PBX4: variants seen among roughly 807,000 people sequenced by gnomAD.
PBX4 encodes PBX homeobox 4.
PBX4 carries 26 observed loss-of-function variants against 35.1 expected under a neutral mutation model. The ratio of observed to expected loss-of-function variants is 0.74; its 90% CI spans 0.54 to 1.03. PBX4 has a LOEUF of 1.03. Ranked by LOEUF, PBX4 falls within the 50% of genes least tolerant of loss-of-function variation. PBX4 has a pLI of 0.00. For missense variants in PBX4, 448 were observed against 504.3 expected (o/e 0.89, Z 1.07); for synonymous variants, 199 against 204.2 (o/e 0.97, Z 0.22).
intron 2 of PBX4, among the ~76,000 whole-genome samples, chr19:19,598,383 C>T (rs1268291025): frequency 8.0e-5 from 12 of 150,870 alleles, no homozygotes; most frequent in African/African-American, 1.2e-4. Flanking sequence ...CTGCAACCTC[C>T]ACCTCCTGGG....
chr19:19,615,841 GA>G (rs776125584), intron 1 of PBX4, among the ~76,000 whole-genome samples: 39 of 152,290 alleles, frequency 2.6e-4, no homozygotes, highest in Non-Finnish European at 4.9e-4. Flanking sequence ...AGTGAGCCGA[GA>G]TAGCGCCACT....
intron 2 of PBX4, among the ~76,000 whole-genome samples, chr19:19,582,446 G>A (rs539423481): frequency 6.6e-6 from 1 of 152,252 alleles, no homozygotes; most frequent in East Asian, 1.9e-4. Context: ...ACACTGGCGG[G>A]CCATTGATGG....
chr19:19,602,419 G>A (rs1041793434), intron 1 of PBX4, among the ~76,000 whole-genome samples: 2 of 151,962 alleles, frequency 1.3e-5, no homozygotes, highest in Non-Finnish European at 2.9e-5. Flanking sequence ...AAACATAACA[G>A]GTGCTAAAAG....
At chr19:19,609,604 A>C (rs1222684955) in intron 1 of PBX4, among the ~76,000 whole-genome samples, 2 of 151,060 alleles carry the variant, frequency 1.3e-5, no homozygotes, top group Non-Finnish European at 1.5e-5. Context: ...TAATCCCAGC[A>C]CTTTGGCAGG....
intron 1 of PBX4, among the ~76,000 whole-genome samples, chr19:19,616,165 C>A (rs764366066): frequency 1.5e-4 from 23 of 152,104 alleles, no homozygotes; most frequent in Non-Finnish European, 2.9e-4. Flanking sequence ...GACCCAGACA[C>A]AGTGGGCTGC....
intron 4 of PBX4, 88 bp from the exon 5 acceptor site, chr19:19,569,672 G>C: frequency 6.8e-7 from 1 of 1,480,774 alleles, no homozygotes; most frequent in Non-Finnish European, 9.0e-7. Flanking sequence ...TTTTCCAGTA[G>C]TTCTGAAAAC....
intron 1 of PBX4, among the ~76,000 whole-genome samples, chr19:19,606,013 A>C (rs1000995770): frequency 1.4e-4 from 21 of 152,202 alleles, no homozygotes; most frequent in African/African-American, 4.8e-4. Context: ...AGCAGTGATC[A>C]AGCAGCTGCT....
intron 1 of PBX4, among the ~76,000 whole-genome samples, chr19:19,614,291 C>T (rs1407313660): frequency 6.6e-6 from 1 of 152,088 alleles, no homozygotes; most frequent in East Asian, 1.9e-4. Flanking sequence ...GAGATCATAC[C>T]ACAGCACTCC....
intron 2 of PBX4, among the ~76,000 whole-genome samples, chr19:19,589,210 C>T (rs532517770): frequency 2.3e-4 from 35 of 151,894 alleles, no homozygotes; most frequent in Non-Finnish European, 4.1e-4. Context: ...CGGCGGATCA[C>T]GAGGTCAGGA....
chr19:19,570,075 GC>G (rs2061371223), intron 4 of PBX4, 33 bp downstream of exon 4: 9 of 1,542,654 alleles, frequency 5.8e-6, no homozygotes, highest in Non-Finnish European at 7.9e-6. Flanking sequence ...CTCAGAGCCG[GC>G]CCTTGAGGTT....
intron 2 of PBX4, among the ~76,000 whole-genome samples, chr19:19,583,467 G>A (rs765525637): frequency 4.6e-5 from 7 of 151,642 alleles, no homozygotes; most frequent in Non-Finnish European, 5.9e-5. Context: ...TAAAAAATGA[G>A]TCAGGTTTGG....
intron 5 of PBX4, among the ~76,000 whole-genome samples, chr19:19,567,649 C>T (rs1568378020): frequency 6.6e-6 from 1 of 152,164 alleles, no homozygotes; most frequent in African/African-American, 2.4e-5. Context: ...CCATAGGCTG[C>T]CTGGACTTAC....
chr19:19,572,803 G>A (rs1025851844), intron 2 of PBX4, among the ~76,000 whole-genome samples: 3 of 141,040 alleles, frequency 2.1e-5, no homozygotes, highest in African/African-American at 5.3e-5. Context: ...GCAGTGAGCC[G>A]AGATCACGCC....
At chr19:19,573,017 T>C (rs916743118) in intron 2 of PBX4, among the ~76,000 whole-genome samples, 1 of 148,004 alleles carries the variant, frequency 6.8e-6, no homozygotes, top group African/African-American at 2.5e-5. Context: ...TAATACAGGA[T>C]AGTGTTGGCC....
intron 2 of PBX4, among the ~76,000 whole-genome samples, chr19:19,573,431 G>C (rs1211600243): frequency 6.7e-6 from 1 of 148,868 alleles, no homozygotes; most frequent in African/African-American, 2.5e-5. Context: ...ATTGGAAAAA[G>C]CAATATGAGA....
intron 2 of PBX4, among the ~76,000 whole-genome samples, chr19:19,595,854 A>G (rs1295881955): frequency 6.6e-6 from 1 of 152,204 alleles, no homozygotes; most frequent in Non-Finnish European, 1.5e-5. Flanking sequence ...GGACAACAGG[A>G]GCAGGCTCTC....
intron 1 of PBX4, among the ~76,000 whole-genome samples, chr19:19,602,698 G>A (rs570500215): frequency 6.6e-6 from 1 of 152,106 alleles, no homozygotes; most frequent in Admixed American, 6.6e-5. Context: ...GCCCCTCAAA[G>A]TATTGGGATT....
At chr19:19,569,632 T>C in intron 4 of PBX4, 48 bp from the exon 5 acceptor site, 1 of 1,594,466 alleles carries the variant, frequency 6.3e-7, no homozygotes, top group Non-Finnish European at 8.5e-7. Context: ...GGGACTCCAG[T>C]ACCACCCCCA....
At position 19,562,723 on chromosome 19, in the gene PBX4, C is replaced by T. The variant is rs567472316; in HGVS notation, c.1033-606G>A. ...CCCGTGAGTGTGGGAGCAGCTCAGA[C>T]GGGTGCACCACCTGGGGGCACTCTG... On this transcript the variant is annotated intron_variant, in intron 7 of 7. Coordinates refer to ENST00000251203, the MANE Select transcript of PBX4 (RefSeq NM_025245.3). This position sits in a 1 kb window ranked among gnomAD's most constrained non-coding sequence, Gnocchi z 4.8. Among the ~76,000 whole-genome samples, 32 of 152,272 alleles carry T rather than the reference C, an allele frequency of 2.1e-4. No individual in the cohort carries two copies. The highest frequency in any genetic ancestry group is 6.3e-4 in the African/African-American group (26 of 41,566).
Sources: gnomAD v4.1 joint callset for allele counts (sites outside exome capture counted in the v4.1 genomes callset) on GRCh38, gnomAD v4.1.1 for gene constraint, Gnocchi (gnomAD v3.1) non-coding constraint, MANE v1.5 for transcripts, NCBI Gene and HGNC (gene_info 2026-07-23, HGNC 2026-07-21) for gene names.